DMD: variants seen among roughly 807,000 people sequenced by gnomAD.
DMD encodes the protein dystrophin.
Under a neutral mutation model 330.1 loss-of-function variants are expected in DMD, and 63 were observed. The ratio of observed to expected loss-of-function variants is 0.19; its 90% CI spans 0.16 to 0.24. The LOEUF is 0.24. Among genes scored for constraint, DMD ranks in the 10% least tolerant of loss-of-function variants. The probability of loss-of-function intolerance (pLI) is 1.00; values close to 1 mark genes in which losing one functional copy is unlikely to be tolerated. For synonymous variants in DMD, 1,223 were observed against 959.8 expected (o/e 1.27, Z -5.07); for missense variants, 3,344 against 2,684.1 (o/e 1.25, Z -5.43).
chrX:31,278,403 T>C (rs1434230249), intron 62 of DMD, among the ~76,000 whole-genome samples: 4 of 110,621 alleles, frequency 3.6e-5, no homozygotes, highest in Non-Finnish European at 7.6e-5. Flanking sequence ...GGGGAGCAAG[T>C]TGGGGAGGCG....
At chrX:31,912,044 G>A (rs2094554427) in intron 47 of DMD, among the ~76,000 whole-genome samples, 5 of 111,118 alleles carry the variant, frequency 4.5e-5, no homozygotes. Context: ...GATTTTAAAC[G>A]ACAACTGGCG....
intron 76 of DMD, 58 bp downstream of exon 76, chrX:31,146,233 G>A (rs1188998333): frequency 3.4e-6 from 4 of 1,170,922 alleles, no homozygotes; most frequent in Non-Finnish European, 4.6e-6. Context: ...TCATGTCCCT[G>A]TAATACGACT....
rs138303539 is a variant in DMD, at chrX:32,500,211, A to G, written c.2380+1544T>C. Among the ~76,000 whole-genome samples, 266 of 111,220 alleles carry G rather than the reference A, an allele frequency of 2.4e-3. 2 individuals are homozygous for G. The South Asian group carries it at 0.053, about 22-fold the overall frequency. ...GGATTATTATTTTCACACCAAAATT[A>G]CCAACGTTATTACCTCAACGACTGC... On this transcript the variant is annotated intron_variant, in intron 19 of 78. Transcript: ENST00000357033.
chrX:31,364,472 TTTC>T (rs1316383275), intron 60 of DMD, among the ~76,000 whole-genome samples: 2 of 112,145 alleles, frequency 1.8e-5, no homozygotes, highest in African/African-American at 3.2e-5. Context: ...CACCCTTTTG[TTTC>T]TTAACTAATC....
At chrX:32,173,703 A>C (rs770449320) in intron 44 of DMD, among the ~76,000 whole-genome samples, 1 of 112,080 alleles carries the variant, frequency 8.9e-6, no homozygotes, top group Non-Finnish European at 1.9e-5. Context: ...AAGACTAATC[A>C]ATTAAAATAT....
At chrX:32,737,503 C>G (rs1224324454) in intron 7 of DMD, among the ~76,000 whole-genome samples, 1 of 111,290 alleles carries the variant, frequency 9.0e-6, no homozygotes, top group Non-Finnish European at 1.9e-5. Flanking sequence ...CTCCACAAGT[C>G]TTGAAAACTA....
intron 41 of DMD, among the ~76,000 whole-genome samples, chrX:32,334,056 C>T (rs2097693609): frequency 9.0e-6 from 1 of 111,518 alleles, no homozygotes; most frequent in Admixed American, 9.6e-5. Flanking sequence ...CTGAACATGC[C>T]TCTACTTAAC....
At chrX:32,561,098 A>T (rs1286262927) in intron 16 of DMD, among the ~76,000 whole-genome samples, 3 of 111,380 alleles carry the variant, frequency 2.7e-5, no homozygotes, top group Admixed American at 9.6e-5. Context: ...CGTCTGTTGT[A>T]TCTTGACTTT....
intron 1 of DMD, among the ~76,000 whole-genome samples, chrX:33,172,044 T>C (rs2049376997): frequency 9.0e-6 from 1 of 110,618 alleles, no homozygotes; most frequent in South Asian, 3.8e-4. Context: ...TAAATGTGAG[T>C]AACTAGAAAT....
At chrX:32,846,414 C>A (rs1393876833) in intron 3 of DMD, among the ~76,000 whole-genome samples, 1 of 111,114 alleles carries the variant, frequency 9.0e-6, no homozygotes, top group East Asian at 2.8e-4. Context: ...TACTTTCCAG[C>A]AAAGCTCCTG....
intron 52 of DMD, among the ~76,000 whole-genome samples, chrX:31,728,315 G>A (rs1217043210): frequency 3.6e-5 from 4 of 112,092 alleles, no homozygotes; most frequent in Middle Eastern, 4.6e-3. Flanking sequence ...GTGAGCCACC[G>A]CGCCCGGCCG....
intron 41 of DMD, among the ~76,000 whole-genome samples, chrX:32,340,244 A>T (rs1021101803): frequency 1.8e-5 from 2 of 112,014 alleles, no homozygotes; most frequent in Non-Finnish European, 3.8e-5. Context: ...ACAGATTGTG[A>T]TTACTTTATT....
At chrX:33,331,753 A>C (rs770438804) in intron 1 of DMD, among the ~76,000 whole-genome samples, 4 of 111,536 alleles carry the variant, frequency 3.6e-5, no homozygotes, top group African/African-American at 9.7e-5. Context: ...TCAAAAGAAC[A>C]TCTCAGTTTT....
At chrX:32,810,261 T>G (rs1404104133) in intron 6 of DMD, among the ~76,000 whole-genome samples, 2 of 111,912 alleles carry the variant, frequency 1.8e-5, no homozygotes, top group Admixed American at 1.9e-4. Context: ...CAACAAAAAT[T>G]TATCTATCTC....
chrX:32,640,921 A>G (rs780290426), intron 11 of DMD, among the ~76,000 whole-genome samples: 9 of 111,162 alleles, frequency 8.1e-5, no homozygotes, highest in African/African-American at 2.9e-4. Flanking sequence ...TCTCCTACCT[A>G]TATTTCAACC....
intron 7 of DMD, among the ~76,000 whole-genome samples, chrX:32,732,037 G>C (rs916385978): frequency 4.4e-4 from 49 of 111,596 alleles, no homozygotes; most frequent in Non-Finnish European, 5.6e-4. Flanking sequence ...GAATGTATAA[G>C]TAGAATAACC....
chrX:31,832,821 A>G (rs2093082457), intron 49 of DMD, among the ~76,000 whole-genome samples: 1 of 112,476 alleles, frequency 8.9e-6, no homozygotes, highest in Non-Finnish European at 1.9e-5. Context: ...AGGTGATGTA[A>G]GCATTGAAAG....
At chrX:31,635,315 C>A (rs916372372) in intron 54 of DMD, among the ~76,000 whole-genome samples, 59 of 111,992 alleles carry the variant, frequency 5.3e-4, no homozygotes, top group Middle Eastern at 9.1e-3. Flanking sequence ...TGTTGATAGA[C>A]TAAGCAGCTT....
chrX:31,527,955 T>C (rs554155007), intron 55 of DMD, among the ~76,000 whole-genome samples: 34 of 111,242 alleles, frequency 3.1e-4, no homozygotes, highest in Middle Eastern at 4.6e-3. Context: ...CTCCGTTATA[T>C]TGACCTTCAG....
Sources: allele counts gnomAD v4.1 joint callset (sites outside exome capture counted in the v4.1 genomes callset), GRCh38; gene constraint gnomAD v4.1.1; transcripts MANE v1.5; gene names NCBI Gene and HGNC (gene_info 2026-07-23, HGNC 2026-07-21).